CACNA2D3: variants seen among roughly 807,000 people sequenced by gnomAD.
CACNA2D3 encodes voltage-dependent calcium channel subunit alpha-2/delta-3.
CACNA2D3 carries 60 observed loss-of-function variants against 160.6 expected under a neutral mutation model. That is an observed-to-expected ratio of 0.37 (90% CI 0.30 to 0.46). The LOEUF is 0.46. Among genes scored for constraint, CACNA2D3 ranks in the 20% least tolerant of loss-of-function variants. The pLI, the probability that CACNA2D3 is intolerant of heterozygous loss-of-function variation, is 1.00. For missense variants in CACNA2D3, 1,205 were observed against 1,365.0 expected (o/e 0.88, Z 1.85); for synonymous variants, 558 against 492.9 (o/e 1.13, Z -1.75).
At position 54,640,431 on chromosome 3, in the gene CACNA2D3, A is replaced by G. The variant is rs1331134369; in HGVS notation, c.1054-1697A>G. Among the ~76,000 whole-genome samples the G allele has an allele frequency of 3.3e-5, 5 of 152,162 alleles. No individual in the cohort carries two copies. The East Asian group carries it at 7.7e-4, about 23-fold the overall frequency. On this transcript the variant is annotated intron_variant, in intron 10 of 37. Coordinates refer to ENST00000474759, the MANE Select transcript of CACNA2D3 (RefSeq NM_018398.3). Reference sequence around the variant, plus strand: ...TTTAAAGGACATGGTATTACTTTCAATTGCATCATTAATAGCATTAATTAA... The same window carrying G: ...TTTAAAGGACATGGTATTACTTTCAGTTGCATCATTAATAGCATTAATTAA...
At chr3:54,810,271 C>T (rs1302905080) in intron 13 of CACNA2D3, among the ~76,000 whole-genome samples, 1 of 152,128 alleles carries the variant, frequency 6.6e-6, no homozygotes, top group Non-Finnish European at 1.5e-5. Flanking sequence ...GATTGGAGGG[C>T]TGGAGTGAAC....
At chr3:54,369,672 C>G (rs541519164) in intron 3 of CACNA2D3, among the ~76,000 whole-genome samples, 51 of 152,300 alleles carry the variant, frequency 3.3e-4, no homozygotes, top group Admixed American at 1.1e-3. Context: ...GTCGGCCTTT[C>G]CCACCTGGGA....
chr3:54,579,598 A>G (rs1237418288), intron 8 of CACNA2D3, among the ~76,000 whole-genome samples: 1 of 152,206 alleles, frequency 6.6e-6, no homozygotes, highest in Non-Finnish European at 1.5e-5. Context: ...GATGGCTGTG[A>G]CTGGCTAAGA....
chr3:54,641,990 T>G (rs1395913771), intron 10 of CACNA2D3, 138 bp from the exon 11 acceptor site: 1 of 520,824 alleles, frequency 1.9e-6, no homozygotes, highest in African/African-American at 2.0e-5. Context: ...AGACTTTTTG[T>G]ATAGGTTGTT....
intron 3 of CACNA2D3, among the ~76,000 whole-genome samples, chr3:54,382,078 G>T (rs953495601): frequency 9.9e-4 from 150 of 152,262 alleles, no homozygotes; most frequent in African/African-American, 3.3e-3. Flanking sequence ...CCATAGGCTG[G>T]AGTCTTCAAA....
intron 27 of CACNA2D3, among the ~76,000 whole-genome samples, chr3:54,926,235 G>A (rs570126263): frequency 2.0e-5 from 3 of 152,070 alleles, no homozygotes; most frequent in Non-Finnish European, 4.4e-5. Flanking sequence ...ACCATTCTAA[G>A]TGCTTTATAA....
chr3:54,789,277 A>T lies in CACNA2D3; in HGVS notation c.1380+24926A>T, dbSNP rs112525496. ...ATATCTATTCCAAGATATGTGTTTT[A>T]AAAAAACTGTGTCCTTTCTGAGTAG... On this transcript the variant is annotated intron_variant, in intron 13 of 37. Transcript: ENST00000474759. Among the ~76,000 whole-genome samples the T allele has an allele frequency of 3.1e-3, 479 of 152,282 alleles. 2 individuals are homozygous for T. The highest frequency in any genetic ancestry group is 5.2e-3 in the Admixed American group (80 of 15,278).
At chr3:54,655,025 G>T (rs1192850950) in intron 11 of CACNA2D3, among the ~76,000 whole-genome samples, 1 of 152,174 alleles carries the variant, frequency 6.6e-6, no homozygotes, top group African/African-American at 2.4e-5. Flanking sequence ...CCCAAGCTGG[G>T]GGCCCAGCCT....
intron 2 of CACNA2D3, among the ~76,000 whole-genome samples, chr3:54,292,102 A>G (rs886248403): frequency 3.3e-5 from 5 of 152,156 alleles, no homozygotes; most frequent in African/African-American, 1.2e-4. Context: ...GTGTGGGGAC[A>G]ACTGCATAGC....
intron 12 of CACNA2D3, among the ~76,000 whole-genome samples, chr3:54,757,793 A>G (rs895560271): frequency 6.6e-6 from 1 of 152,196 alleles, no homozygotes; most frequent in Non-Finnish European, 1.5e-5. Context: ...TTTACAGAGA[A>G]GGAAACTGAG....
chr3:54,924,191 G>A lies in CACNA2D3; in HGVS notation c.2449+24323G>A, dbSNP rs137930452. ...AGGACAATTTTAGAAAAGAATTACA[G>A]TTGTCAAATGGGTAGAAGCAGACAA... On this transcript the variant is annotated intron_variant, in intron 27 of 37. Coordinates refer to ENST00000474759, the MANE Select transcript of CACNA2D3 (RefSeq NM_018398.3). 2.8e-3 allele frequency among the ~76,000 whole-genome samples: 427 copies of A among 152,316 alleles called. 2 individuals are homozygous for A. The highest frequency in any genetic ancestry group is 9.9e-3 in the African/African-American group (411 of 41,582).
chr3:54,130,939 A>G (rs1322349425), intron 2 of CACNA2D3, among the ~76,000 whole-genome samples: 1 of 152,222 alleles, frequency 6.6e-6, no homozygotes, highest in East Asian at 1.9e-4. Context: ...GTAGTTTAAC[A>G]TTTCTGAACC....
In CACNA2D3 at chr3:55,021,707, A is replaced by ATG. The variant is rs547342057; in HGVS notation, c.2987+3398_2987+3399dup. Reference sequence around the variant, plus strand: ...TATATATATATGTGTGTATATATATATGTGTGTGTATATATATATATATAG... The same window carrying ATG: ...TATATATATATGTGTGTATATATATATGTGTGTGTGTATATATATATATATAG... On this transcript the variant is annotated intron_variant, in intron 35 of 37. Transcript: ENST00000474759. Among the ~76,000 whole-genome samples, 943 of 137,284 alleles carry ATG rather than the reference A, an allele frequency of 6.9e-3. 18 individuals are homozygous for ATG. The highest frequency in any genetic ancestry group is 0.028 in the African/African-American group (894 of 32,154). The allele number at this position is 137,284 out of a possible 152,430, so 90.1% of individuals were successfully genotyped here.
At chr3:54,162,346 T>A (rs920305074) in intron 2 of CACNA2D3, among the ~76,000 whole-genome samples, 31 of 152,238 alleles carry the variant, frequency 2.0e-4, no homozygotes, top group African/African-American at 7.5e-4. Context: ...ACTTGATGGC[T>A]GGGGATTGGA....
chr3:54,567,886 C>T (rs922111746), intron 6 of CACNA2D3, among the ~76,000 whole-genome samples: 12 of 152,162 alleles, frequency 7.9e-5, no homozygotes, highest in African/African-American at 2.7e-4. Context: ...AAACACTGCG[C>T]TTTAAAGACA....
chr3:54,237,057 A>G (rs1459822122), intron 2 of CACNA2D3, among the ~76,000 whole-genome samples: 1 of 151,214 alleles, frequency 6.6e-6, no homozygotes, highest in Non-Finnish European at 1.5e-5. Context: ...AGGGAAGTCT[A>G]ATGACTCTGC....
intron 11 of CACNA2D3, among the ~76,000 whole-genome samples, chr3:54,705,980 G>T (rs1028459143): frequency 6.6e-6 from 1 of 152,120 alleles, no homozygotes; most frequent in Non-Finnish European, 1.5e-5. Context: ...AGAATGATCT[G>T]TTCCGGCTTC....
chr3:54,755,258 A>G (rs539599261), intron 12 of CACNA2D3, among the ~76,000 whole-genome samples: 1 of 152,136 alleles, frequency 6.6e-6, no homozygotes, highest in Non-Finnish European at 1.5e-5. Flanking sequence ...TCCCTGCTGA[A>G]TTGGGGGTGG....
intron 2 of CACNA2D3, among the ~76,000 whole-genome samples, chr3:54,211,295 T>C (rs185012378): frequency 9.7e-4 from 148 of 152,332 alleles, no homozygotes; most frequent in Non-Finnish European, 1.4e-3. Context: ...TGGTTCTTTT[T>C]ATAGCTGCAC....
Sources: gnomAD v4.1 joint callset for allele counts (sites outside exome capture counted in the v4.1 genomes callset) on GRCh38, gnomAD v4.1.1 for gene constraint, MANE v1.5 for transcripts, NCBI Gene and HGNC (gene_info 2026-07-23, HGNC 2026-07-21) for gene names.